The following DAB1 variants were observed in gnomAD, a reference collection of about 807,000 sequenced individuals.
DAB1 encodes the protein disabled homolog 1.
DAB1 carries 15 observed loss-of-function variants against 64.6 expected under a neutral mutation model. That is an observed-to-expected ratio of 0.23 (90% CI 0.16 to 0.36). DAB1 has a LOEUF of 0.36. Ranked by LOEUF, DAB1 falls within the 10% of genes least tolerant of loss-of-function variation. DAB1 has a pLI of 1.00. For missense variants in DAB1, 596 were observed against 706.7 expected (o/e 0.84, Z 1.78); for synonymous variants, 235 against 251.9 (o/e 0.93, Z 0.64).
intron 4 of DAB1, among the ~76,000 whole-genome samples, chr1:57,105,332 A>G (rs904942128): frequency 2.0e-5 from 3 of 152,056 alleles, no homozygotes; most frequent in African/African-American, 7.3e-5. Flanking sequence ...AAAAAAGCAA[A>G]CCTCAAAGAG....
chr1:58,372,884 T>C (rs554785358), intron 3 of DAB1, among the ~76,000 whole-genome samples: 2 of 152,310 alleles, frequency 1.3e-5, no homozygotes, highest in East Asian at 1.9e-4. Context: ...CCCACCCCTG[T>C]AGAACTGTGC....
chr1:58,073,007 A>C (rs1159763439), intron 5 of DAB1, among the ~76,000 whole-genome samples: 1 of 152,182 alleles, frequency 6.6e-6, no homozygotes, highest in Non-Finnish European at 1.5e-5. Context: ...AATATTCACC[A>C]ACCTTAATGA....
intron 4 of DAB1, among the ~76,000 whole-genome samples, chr1:58,230,566 A>G (rs1348176569): frequency 2.6e-5 from 4 of 152,208 alleles, no homozygotes; most frequent in African/African-American, 9.6e-5. Context: ...GAACTGATAC[A>G]AAGGACAAAG....
At chr1:57,084,123 T>C (rs551786036) in intron 4 of DAB1, among the ~76,000 whole-genome samples, 142 of 152,316 alleles carry the variant, frequency 9.3e-4, no homozygotes, top group African/African-American at 2.3e-3. Context: ...CAGAAAGTGA[T>C]CTTATTTAAA....
At chr1:57,551,015 A>G (rs564657372) in intron 7 of DAB1, among the ~76,000 whole-genome samples, 14 of 152,336 alleles carry the variant, frequency 9.2e-5, no homozygotes, top group Admixed American at 7.8e-4. Context: ...TGGATATCTC[A>G]GGGGCTAAAT....
chr1:58,200,093 C>T (rs537884684), intron 4 of DAB1, among the ~76,000 whole-genome samples: 1 of 152,162 alleles, frequency 6.6e-6, no homozygotes, highest in East Asian at 1.9e-4. Context: ...TAGCTGTGCC[C>T]GAATGCAGTG....
At chr1:57,342,887 G>C (rs984442408) in intron 1 of DAB1, among the ~76,000 whole-genome samples, 2 of 152,180 alleles carry the variant, frequency 1.3e-5, no homozygotes, top group African/African-American at 4.8e-5. Context: ...TTTGCGGTGA[G>C]TATTACAGCT....
At chr1:57,755,582 C>T (rs919487668) in intron 6 of DAB1, among the ~76,000 whole-genome samples, 1 of 152,146 alleles carries the variant, frequency 6.6e-6, no homozygotes. Flanking sequence ...TTTCTAACAA[C>T]CAAACTTTAA....
intron 4 of DAB1, among the ~76,000 whole-genome samples, chr1:58,214,429 G>A (rs968835809): frequency 2.0e-5 from 3 of 152,172 alleles, no homozygotes; most frequent in Admixed American, 6.6e-5. Flanking sequence ...TGACAAAGGA[G>A]ATTCAAAAAG....
intron 6 of DAB1, among the ~76,000 whole-genome samples, chr1:57,650,223 C>T (rs1440287146): frequency 1.3e-5 from 2 of 152,182 alleles, no homozygotes; most frequent in Non-Finnish European, 2.9e-5. Flanking sequence ...TGGCTCACTG[C>T]AGCCTCAACC....
chr1:57,101,479 C>T (rs1239290463), intron 4 of DAB1, among the ~76,000 whole-genome samples: 1 of 152,188 alleles, frequency 6.6e-6, no homozygotes, highest in African/African-American at 2.4e-5. Flanking sequence ...ATGTGCAAAC[C>T]TCTTTGTCTC....
rs938348740 is a variant in DAB1, at chr1:58,131,329, C to A, written n.387+19182G>T. On this transcript the variant is annotated intron_variant and non_coding_transcript_variant, in intron 5 of 20. Coordinates refer to the DAB1 transcript ENST00000485760. Reference sequence around the variant, plus strand: ...TCCATCAGCTCCTTTAAGCACTTCTCTCTATTGGTTATTCTAGTTATACAT... The same window carrying A: ...TCCATCAGCTCCTTTAAGCACTTCTATCTATTGGTTATTCTAGTTATACAT... Among the ~76,000 whole-genome samples the A allele has an allele frequency of 2.1e-5, 3 of 140,424 alleles. 1 individual carries two copies. The highest frequency in any genetic ancestry group is 7.6e-5 in the African/African-American group (3 of 39,494). The allele number at this position is 140,424 out of a possible 152,430, so 92.1% of individuals were successfully genotyped here.
At chr1:57,689,387 A>G (rs1245945746) in intron 6 of DAB1, among the ~76,000 whole-genome samples, 2 of 152,202 alleles carry the variant, frequency 1.3e-5, no homozygotes, top group Non-Finnish European at 2.9e-5. Context: ...GGTTTAAAAG[A>G]TTAGTTAGTA....
intron 5 of DAB1, among the ~76,000 whole-genome samples, chr1:57,893,682 T>C (rs1569936587): frequency 6.6e-6 from 1 of 152,214 alleles, no homozygotes; most frequent in East Asian, 1.9e-4. Context: ...AAGTAGCTAG[T>C]CAGACATAAA....
intron 4 of DAB1, among the ~76,000 whole-genome samples, chr1:57,076,713 G>C (rs1652026319): frequency 6.6e-6 from 1 of 152,146 alleles, no homozygotes; most frequent in Admixed American, 6.5e-5. Context: ...TACCTATGAC[G>C]GAAGGCATAG....
At chr1:57,183,941 A>G (rs1048251458) in intron 2 of DAB1, among the ~76,000 whole-genome samples, 3 of 152,194 alleles carry the variant, frequency 2.0e-5, no homozygotes, top group Non-Finnish European at 4.4e-5. Context: ...AAAAGGACAT[A>G]GAGGATATCA....
intron 4 of DAB1, among the ~76,000 whole-genome samples, chr1:57,087,362 C>T (rs764415098): frequency 1.0e-3 from 154 of 152,284 alleles, no homozygotes; most frequent in Non-Finnish European, 3.7e-4. Context: ...GGGCAGGATG[C>T]CGGGAAGAGA....
intron 5 of DAB1, among the ~76,000 whole-genome samples, chr1:57,957,516 T>C (rs1255494675): frequency 1.3e-5 from 2 of 152,154 alleles, no homozygotes; most frequent in East Asian, 1.9e-4. Context: ...GGTTATTGGA[T>C]ATATACAGGT....
chr1:57,924,240 A>C (rs573756297), intron 5 of DAB1, among the ~76,000 whole-genome samples: 1 of 152,354 alleles, frequency 6.6e-6, no homozygotes, highest in South Asian at 2.1e-4. Flanking sequence ...GGAGCTGACT[A>C]TCGGATGGAA....
Sources: gnomAD v4.1 joint callset for allele counts (sites outside exome capture counted in the v4.1 genomes callset) on GRCh38, gnomAD v4.1.1 for gene constraint, MANE v1.5 for transcripts, NCBI Gene and HGNC (gene_info 2026-07-23, HGNC 2026-07-21) for gene names.